The following CEP170 variants were observed in gnomAD, a reference collection of about 807,000 sequenced individuals.
CEP170 encodes the protein centrosomal protein 170.
CEP170 carries 21 observed loss-of-function variants against 151.9 expected under a neutral mutation model. That is an observed-to-expected ratio of 0.14 (90% CI 0.10 to 0.20). The LOEUF is 0.20. Ranked by LOEUF, CEP170 falls within the 10% of genes least tolerant of loss-of-function variation. CEP170 has a pLI of 1.00. For synonymous variants in CEP170, 356 were observed against 648.8 expected (o/e 0.55, Z 6.86); for missense variants, 964 against 1,892.9 (o/e 0.51, Z 9.11).
chr1:243,217,876 T>C (rs1407569870), intron 3 of CEP170, among the ~76,000 whole-genome samples: 1 of 152,154 alleles, frequency 6.6e-6, no homozygotes, highest in African/African-American at 2.4e-5. Context: ...GAAGTGGCAA[T>C]GTTGGGATTC....
rs922941686 is a variant in CEP170 at position 243,126,146 on chromosome 1, GA to G, written c.*302del. ...AGGTCACAGCATGGCTTAAAAAAAA[GA>G]AAAAAGATCTATGAAGGGAAAGGGT... On this transcript the variant is annotated 3_prime_UTR_variant, in exon 20 of 20. Transcript: ENST00000366542. The G allele has an allele frequency of 2.1e-6, 1 of 481,628 alleles. No homozygotes were observed. The highest frequency in any genetic ancestry group is 2.0e-5 in the African/African-American group (1 of 51,030). 29.8% of individuals were successfully genotyped at this position (481,628 alleles called of 1,614,324 possible). A position where few individuals can be genotyped will look rare whatever the true frequency, so the allele number is the denominator to read the frequency against.
At chr1:243,153,502 A>G (rs1186160072) in intron 14 of CEP170, among the ~76,000 whole-genome samples, 1 of 152,224 alleles carries the variant, frequency 6.6e-6, no homozygotes, top group Non-Finnish European at 1.5e-5. Context: ...AGAAATCGCC[A>G]CAGTCATCCC....
At chr1:243,240,175 T>C (rs2149119334) in intron 1 of CEP170, among the ~76,000 whole-genome samples, 1 of 152,298 alleles carries the variant, frequency 6.6e-6, no homozygotes, top group South Asian at 2.1e-4. Context: ...CTGGGCATGG[T>C]GGCACATGCC....
chr1:243,254,219 T>TAAATAAAA (rs532620016), intron 1 of CEP170: 1 of 139,268 alleles, frequency 7.2e-6, no homozygotes, highest in African/African-American at 2.6e-5. Context: ...AATAAATAAA[T>TAAATAAAA]AAAACTCTAC....
intron 13 of CEP170, 130 bp from the exon 14 acceptor site, chr1:243,156,585 A>G (rs931646702): frequency 9.2e-6 from 7 of 757,422 alleles, no homozygotes; most frequent in Admixed American, 3.1e-5. Context: ...ACGTACACAT[A>G]CCTCACAAAA....
chr1:243,243,653 A>G (rs1209273535), intron 1 of CEP170, among the ~76,000 whole-genome samples: 1 of 151,892 alleles, frequency 6.6e-6, no homozygotes, highest in Non-Finnish European at 1.5e-5. Flanking sequence ...CCTCCCGAGT[A>G]GCTGGGACTA....
intron 14 of CEP170, among the ~76,000 whole-genome samples, chr1:243,146,527 C>A (rs887037708): frequency 1.3e-5 from 2 of 152,012 alleles, no homozygotes; most frequent in African/African-American, 4.8e-5. Context: ...TTTTTATTTC[C>A]ATGGGTAAAA....
intron 1 of CEP170, among the ~76,000 whole-genome samples, chr1:243,249,741 T>C (rs1210207070): frequency 6.6e-6 from 1 of 152,204 alleles, no homozygotes; most frequent in Non-Finnish European, 1.5e-5. Flanking sequence ...GTAAACTTCA[T>C]CTAATTCCTT....
At chr1:243,248,048 C>G (rs2065587743) in intron 1 of CEP170, among the ~76,000 whole-genome samples, 1 of 152,232 alleles carries the variant, frequency 6.6e-6, no homozygotes, top group Non-Finnish European at 1.5e-5. Flanking sequence ...ACGTAGGAAA[C>G]AGCATTGGCC....
chr1:243,191,944 C>A (rs1350835403), intron 7 of CEP170, among the ~76,000 whole-genome samples: 1 of 152,122 alleles, frequency 6.6e-6, no homozygotes, highest in Non-Finnish European at 1.5e-5. Context: ...ACATGTAGTG[C>A]TCCAAAGGAG....
intron 1 of CEP170, among the ~76,000 whole-genome samples, chr1:243,226,078 GATATAA>G (rs1346195091): frequency 7.4e-6 from 1 of 134,896 alleles, no homozygotes; most frequent in Non-Finnish European, 1.6e-5. Flanking sequence ...TCTATATCTA[GATATAA>G]ATATATCTAT....
At chr1:243,253,919 T>A (rs2037974568) in intron 1 of CEP170, among the ~76,000 whole-genome samples, 1 of 152,204 alleles carries the variant, frequency 6.6e-6, no homozygotes, top group East Asian at 1.9e-4. Flanking sequence ...GTTAACAACT[T>A]CGGTAACAGA....
rs1328870330 is a variant in CEP170, at chr1:243,156,214, A to C, written c.3911+7T>G. 5 of 1,575,256 alleles carry C rather than the reference A, an allele frequency of 3.2e-6. No individual in the cohort carries two copies. The highest frequency in any genetic ancestry group is 4.3e-6 in the Non-Finnish European group (5 of 1,160,074). ...TGAATTCTTAAAGATAAGTCCTGAA[A>C]ACCAACCTGGCTATCTCTTCTCGAT... On this transcript the variant is annotated splice_region_variant and intron_variant, in intron 14 of 19. Transcript: ENST00000366542.
At chr1:243,175,331 C>A in intron 10 of CEP170, 1 of 152,202 alleles carries the variant, frequency 6.6e-6, no homozygotes, top group African/African-American at 2.4e-5. Flanking sequence ...ACAATTATTT[C>A]TTCTCCAAAC....
At chr1:243,225,566 T>C (rs1431646743) in intron 1 of CEP170, among the ~76,000 whole-genome samples, 2 of 152,190 alleles carry the variant, frequency 1.3e-5, no homozygotes. Flanking sequence ...GGTGCTCAAC[T>C]AGCAAACTTT....
chr1:243,186,980 CCATTA>C (rs1203261014), intron 8 of CEP170, among the ~76,000 whole-genome samples: 2 of 152,262 alleles, frequency 1.3e-5, no homozygotes, highest in Non-Finnish European at 2.9e-5. Flanking sequence ...TTTGTAGTCC[CCATTA>C]ATTATTGCAA....
chr1:243,148,258 T>C (rs1051939705), intron 14 of CEP170, among the ~76,000 whole-genome samples: 6 of 151,810 alleles, frequency 4.0e-5, no homozygotes, highest in African/African-American at 1.2e-4. Flanking sequence ...AGGCATCATT[T>C]ATTCAACAAA....
chr1:243,165,355 A>C lies in CEP170; in HGVS notation c.2605T>G (p.Leu869Val), dbSNP rs2058364087. 6.5e-7 allele frequency: 1 copy of C among 1,531,454 alleles called. No individual in the cohort carries two copies. The highest frequency in any genetic ancestry group is 1.2e-5 in the South Asian group (1 of 85,986). The allele number at this position is 1,531,454 out of a possible 1,614,324, so 94.9% of individuals were successfully genotyped here. ...QTSSTPSSLA[L>V]TSASRIRERS... ...TCTCGTATTCTACTTGCAGATGTTA[A>C]TGCTAAAGAAGAAGGAGTAGAGGAA... The change falls in exon 13 of 20, where the codon TTA becomes GTA. Residue 869 changes from leucine (L) to valine (V), a missense_variant. Leu to Val is a conservative substitution (Grantham distance 32, BLOSUM62 1). Coordinates refer to ENST00000366542, the MANE Select transcript of CEP170 (RefSeq NM_014812.3).
intron 2 of CEP170, among the ~76,000 whole-genome samples, chr1:243,224,194 C>G (rs1180474157): frequency 2.6e-5 from 4 of 152,118 alleles, no homozygotes; most frequent in Admixed American, 6.5e-5. Flanking sequence ...AATTTAAATC[C>G]TAACAAAGAC....
Sources: gnomAD v4.1 joint callset for allele counts (sites outside exome capture counted in the v4.1 genomes callset) on GRCh38, gnomAD v4.1.1 for gene constraint, MANE v1.5 for transcripts, NCBI Gene and HGNC (gene_info 2026-07-23, HGNC 2026-07-21) for gene names.